Variants in CELF2 observed in about 807,000 individuals in gnomAD.
CELF2 encodes the protein CUG triplet repeat RNA-binding protein 2.
In CELF2, 8 loss-of-function variants were observed where a neutral mutation model predicts 62.6. The observed-to-expected ratio is 0.13, with a 90% CI of 0.07 to 0.23. CELF2 has a LOEUF of 0.23. CELF2 is among the 10% of genes least tolerant of loss of function. The pLI, the probability that CELF2 is intolerant of heterozygous loss-of-function variation, is 1.00. For synonymous variants in CELF2, 258 were observed against 250.0 expected (o/e 1.03, Z -0.30); for missense variants, 333 against 671.0 (o/e 0.50, Z 5.56).
chr10:11,174,378 C>T (rs995190160), intron 2 of CELF2, among the ~76,000 whole-genome samples: 4 of 152,132 alleles, frequency 2.6e-5, no homozygotes, highest in African/African-American at 9.7e-5. Flanking sequence ...TGGAGATGGC[C>T]TTGGAAACAC....
chr10:10,723,742 A>G, the CELF2 span, among the ~76,000 whole-genome samples: 2 of 152,180 alleles, frequency 1.3e-5, no homozygotes, highest in Admixed American at 6.5e-5. Context: ...AGGGGATTTT[A>G]GAGGAGGTGA....
At chr10:10,828,630 A>G (rs1484021907) in intron 1 of CELF2, among the ~76,000 whole-genome samples, 1 of 152,196 alleles carries the variant, frequency 6.6e-6, no homozygotes, top group Non-Finnish European at 1.5e-5. Context: ...ATGCACTTCA[A>G]ATGGTTTCAA....
At chr10:11,161,388 G>A (rs1214320773) in intron 1 of CELF2, among the ~76,000 whole-genome samples, 1 of 152,174 alleles carries the variant, frequency 6.6e-6, no homozygotes, top group Non-Finnish European at 1.5e-5. Context: ...GCATGTGTCT[G>A]GGGCCTGCGA....
chr10:11,231,411 G>A (rs946019341), intron 3 of CELF2, among the ~76,000 whole-genome samples: 1 of 152,194 alleles, frequency 6.6e-6, no homozygotes, highest in Admixed American at 6.5e-5. Flanking sequence ...GTGATTAGAA[G>A]ATCCTTGTGG....
chr10:10,979,408 C>A (rs1010762119), intron 2 of CELF2, among the ~76,000 whole-genome samples: 1 of 152,150 alleles, frequency 6.6e-6, no homozygotes, highest in African/African-American at 2.4e-5. Context: ...CTGTGCCTCA[C>A]GCCTGTAATC....
At chr10:10,712,147 CAAA>C in the CELF2 span, among the ~76,000 whole-genome samples, 68 of 43,410 alleles carry the variant, frequency 1.6e-3, no homozygotes, top group African/African-American at 4.7e-3. Flanking sequence ...AGGATAGAGA[CAAA>C]AAAAAAAAAA....
chr10:10,696,182 G>A, the CELF2 span, among the ~76,000 whole-genome samples: 1 of 151,838 alleles, frequency 6.6e-6, no homozygotes, highest in Non-Finnish European at 1.5e-5. Context: ...TGGGTTTTTG[G>A]TGTGGATGTC....
At chr10:10,846,330 C>T (rs2059010845) in intron 1 of CELF2, among the ~76,000 whole-genome samples, 1 of 152,134 alleles carries the variant, frequency 6.6e-6, no homozygotes, top group Non-Finnish European at 1.5e-5. Context: ...GAAATCTTCC[C>T]CCTCACTGCC....
the CELF2 span, among the ~76,000 whole-genome samples, chr10:10,701,399 G>C: frequency 8.5e-5 from 13 of 152,328 alleles, no homozygotes; most frequent in African/African-American, 3.1e-4. Context: ...TTGTTCACTT[G>C]TCAGAAAGGG....
chr10:10,798,464 G>T, upstream of CELF2: 1 of 298,436 alleles, frequency 3.4e-6, no homozygotes, highest in Non-Finnish European at 6.1e-6. Context: ...AATAAAGAGA[G>T]ATTTAAGTGA....
rs549065768 is a variant in CELF2, at chr10:11,271,148, T to C, written c.777+324T>C. ...GGAGGCCGCTGGGCTGGCTCATCCC[T>C]GTCAGGTCAGGGTCTGCGCCAGCAG... is the stretch of plus-strand genomic sequence containing the variant. On this transcript the variant is annotated intron_variant, in intron 7 of 12. Coordinates refer to ENST00000633077, the MANE Select transcript of CELF2 (RefSeq NM_001326342.2). Among the ~76,000 whole-genome samples the C allele has an allele frequency of 3.4e-4, 52 of 152,354 alleles. 1 individual carries two copies. The highest frequency in any genetic ancestry group is 9.6e-4 in the African/African-American group (40 of 41,586).
At chr10:10,814,214 TAAAAAAAAAAAAA>T (rs759524110) in intron 1 of CELF2, among the ~76,000 whole-genome samples, 2 of 44,432 alleles carry the variant, frequency 4.5e-5, no homozygotes, top group Non-Finnish European at 4.0e-5. Context: ...AGAAGAGTCC[TAAAAAAAAAAAAA>T]AAAAAAAAAA....
intron 2 of CELF2, among the ~76,000 whole-genome samples, chr10:10,945,287 G>A (rs2047534267): frequency 6.6e-6 from 1 of 152,170 alleles, no homozygotes; most frequent in Non-Finnish European, 1.5e-5. Flanking sequence ...GTAGCCTTGG[G>A]CCTTGGCTGA....
At chr10:10,978,078 C>T (rs2051586277) in intron 2 of CELF2, among the ~76,000 whole-genome samples, 1 of 143,728 alleles carries the variant, frequency 7.0e-6, no homozygotes, top group African/African-American at 2.6e-5. Context: ...TAACATTAGG[C>T]AATTCTTTTC....
At chr10:11,133,574 A>G (rs1187317604) in intron 1 of CELF2, among the ~76,000 whole-genome samples, 3 of 152,200 alleles carry the variant, frequency 2.0e-5, no homozygotes, top group Non-Finnish European at 4.4e-5. Flanking sequence ...AAAATCACAA[A>G]CATCAATACT....
chr10:11,096,443 T>C (rs1418644965), intron 1 of CELF2: 2 of 152,230 alleles, frequency 1.3e-5, no homozygotes, highest in Non-Finnish European at 2.9e-5. Flanking sequence ...AAGGAAAAGA[T>C]AATCGCTAAT....
Position 11,247,336 on chromosome 10 carries a change from T to C in CELF2, c.355-1817T>C, listed in dbSNP as rs2075896402. On this transcript the variant is annotated intron_variant, in intron 3 of 12. Coordinates refer to ENST00000633077, the MANE Select transcript of CELF2 (RefSeq NM_001326342.2). This position sits in a 1 kb window ranked among gnomAD's most constrained non-coding sequence, Gnocchi z 5.4. Reference sequence around the variant, plus strand: ...CTGGGAGCTCCCTGTGAGAGGGAACTGTCACCCTTCCACTTCCTGGGTCAC... The same window carrying C: ...CTGGGAGCTCCCTGTGAGAGGGAACCGTCACCCTTCCACTTCCTGGGTCAC... 1.3e-5 allele frequency among the ~76,000 whole-genome samples: 2 copies of C among 152,230 alleles called. No individual in the cohort carries two copies. The highest frequency in any genetic ancestry group is 2.9e-5 in the Non-Finnish European group (2 of 68,038).
intron 1 of CELF2, among the ~76,000 whole-genome samples, chr10:11,036,169 C>T (rs984888686): frequency 2.6e-5 from 4 of 152,210 alleles, no homozygotes; most frequent in Non-Finnish European, 5.9e-5. Flanking sequence ...CATAAACTGA[C>T]TCTTGAATAG....
At chr10:10,924,219 T>C (rs2134843674) in intron 2 of CELF2, among the ~76,000 whole-genome samples, 1 of 138,180 alleles carries the variant, frequency 7.2e-6, no homozygotes, top group East Asian at 2.2e-4. Flanking sequence ...GAGGCGGAGC[T>C]TGCAGTGAGC....
Sources: allele counts gnomAD v4.1 joint callset (sites outside exome capture counted in the v4.1 genomes callset), GRCh38; gene constraint gnomAD v4.1.1; non-coding constraint Gnocchi (gnomAD v3.1); transcripts MANE v1.5; gene names NCBI Gene and HGNC (gene_info 2026-07-23, HGNC 2026-07-21).